The following PLCB3 variants were observed in gnomAD, a reference collection of about 807,000 sequenced individuals.
PLCB3 encodes the protein phospholipase C beta 3.
PLCB3 carries 54 observed loss-of-function variants against 152.1 expected under a neutral mutation model. The ratio of observed to expected loss-of-function variants is 0.36; its 90% CI spans 0.29 to 0.45. The LOEUF is 0.45. PLCB3 is among the 20% of genes least tolerant of loss of function. The pLI, the probability that PLCB3 is intolerant of heterozygous loss-of-function variation, is 1.00. For missense variants in PLCB3, 1,248 were observed against 1,687.5 expected (o/e 0.74, Z 4.56); for synonymous variants, 717 against 698.7 (o/e 1.03, Z -0.41).
chr11:64,260,197 A>T lies in PLCB3; in HGVS notation c.1694A>T (p.Glu565Val). The T allele has an allele frequency of 2.5e-6, 4 of 1,583,726 alleles. No individual in the cohort carries two copies. The highest frequency in any genetic ancestry group is 1.1e-5 in the South Asian group (1 of 87,362). Residue 565 changes from glutamate (E) to valine (V), a missense_variant, in exon 14 of 31, where the codon GAG (glutamate) becomes GTG (valine). Coordinates refer to ENST00000279230, the MANE Select transcript of PLCB3 (RefSeq NM_000932.5). ...REDEEEDEEE[E>V]EQTDPKKPTT... Reference sequence around the variant, plus strand: ...GATGAGGAGGAAGATGAGGAAGAGGAGGAACAGACAGACCCCAAAAAGCCA... The same window carrying T: ...GATGAGGAGGAAGATGAGGAAGAGGTGGAACAGACAGACCCCAAAAAGCCA...
chr11:64,266,681 G>T lies in PLCB3; in HGVS notation c.3414+129G>T. 1 of 855,512 alleles carries T rather than the reference G, an allele frequency of 1.2e-6. No homozygotes were observed. The allele number at this position is 855,512 out of a possible 1,614,324, so 53.0% of individuals were successfully genotyped here. On this transcript the variant is annotated intron_variant, in intron 29 of 30. Coordinates refer to ENST00000279230, the MANE Select transcript of PLCB3 (RefSeq NM_000932.5). The surrounding 1 kb of genome is among the most constrained non-coding windows in gnomAD (Gnocchi z 4.9). ...TAGGGCCTTTCTCAAGTGCCCAACA[G>T]CCCCAGGGTACCCACATCATACCCA... is the stretch of plus-strand genomic sequence containing the variant.
At chr11:64,254,571 C>A in intron 2 of PLCB3, 79 bp downstream of exon 2, 1 of 1,466,140 alleles carries the variant, frequency 6.8e-7, no homozygotes. Context: ...GGGGGTGGGG[C>A]CCGGCTGCAG....
rs891807111 is a variant in PLCB3 at position 64,256,611 on chromosome 11, A to T, written c.866-7A>T. 3.1e-6 allele frequency: 5 copies of T among 1,613,908 alleles called. No homozygotes were observed. The highest frequency in any genetic ancestry group is 4.2e-6 in the Non-Finnish European group (5 of 1,179,928). ...CAGCTGACCCTGCTGATCCTCTCCCACCCCAGACCAGATGTCCATGGAGGG... is the reference window on the plus strand; with the variant it reads ...CAGCTGACCCTGCTGATCCTCTCCCTCCCCAGACCAGATGTCCATGGAGGG... On this transcript the variant is annotated splice_polypyrimidine_tract_variant and splice_region_variant and intron_variant, in intron 9 of 30. Transcript: ENST00000279230.
chr11:64,257,166 G>A lies in PLCB3; in HGVS notation c.1012+402G>A, dbSNP rs180926378. Among the ~76,000 whole-genome samples, 23 of 152,140 alleles carry A rather than the reference G, an allele frequency of 1.5e-4. No homozygotes were observed. In the East Asian group the frequency reaches 2.3e-3, roughly 15 times the overall value. ...ATTACAGGCATTCGCCACCACGCCC[G>A]GCTAATTTTGTATTTTTAGTAGAGA... On this transcript the variant is annotated intron_variant, in intron 10 of 30. Coordinates refer to ENST00000279230, the MANE Select transcript of PLCB3 (RefSeq NM_000932.5).
intron 1 of PLCB3, among the ~76,000 whole-genome samples, chr11:64,253,652 C>T (rs2031354354): frequency 6.6e-6 from 1 of 152,190 alleles, no homozygotes; most frequent in Non-Finnish European, 1.5e-5. Context: ...GGCTGCTGGT[C>T]CTGAGTCACA....
Position 64,256,377 on chromosome 11 carries a change from G to A in PLCB3, c.700G>A (p.Gly234Ser), listed in dbSNP as rs1316539069. 6.2e-7 allele frequency: 1 copy of A among 1,612,964 alleles called. No homozygotes were observed. The highest frequency in any genetic ancestry group is 1.7e-5 in the Admixed American group (1 of 59,956). ...GACCCAGCTTCCTGTCCCCTCCAGA[G>A]GCGCCAAGGGCAAGCCATACCTGAC... ...PDIDKILLEI[G>S]AKGKPYLTLE... The change falls in exon 9 of 31, where the codon GGC becomes AGC. Residue 234 changes from glycine to serine, a missense_variant and splice_region_variant. Transcript: ENST00000279230.
intron 1 of PLCB3, among the ~76,000 whole-genome samples, chr11:64,252,632 TG>T (rs1190953325): frequency 6.6e-6 from 1 of 150,742 alleles, no homozygotes; most frequent in Non-Finnish European, 1.5e-5. Context: ...GCGTGGGAGC[TG>T]GGGGGAGGAG....
chr11:64,268,883 G>A (rs1024988943), downstream of PLCB3: 4 of 152,364 alleles, frequency 2.6e-5, no homozygotes, highest in South Asian at 4.1e-4. Flanking sequence ...GGGGTGGGGA[G>A]GCCAGGGAAA....
Position 64,266,989 on chromosome 11 carries a change from T to C in PLCB3, c.3415-196T>C, listed in dbSNP as rs2032156640. Reference sequence around the variant, plus strand: ...TTTTATTTTTAGTAGAGATGGGGTTTCACCATGTTGGCCAGGCTGTTCTCG... The same window carrying C: ...TTTTATTTTTAGTAGAGATGGGGTTCCACCATGTTGGCCAGGCTGTTCTCG... On this transcript the variant is annotated intron_variant, in intron 29 of 30. Transcript: ENST00000279230. The surrounding 1 kb of genome is among the most constrained non-coding windows in gnomAD (Gnocchi z 4.9). 6.6e-6 allele frequency among the ~76,000 whole-genome samples: 1 copy of C among 152,184 alleles called. No homozygotes were observed. The highest frequency in any genetic ancestry group is 6.5e-5 in the Admixed American group (1 of 15,278).
At chr11:64,256,900 G>A in intron 10 of PLCB3, 136 bp downstream of exon 10, 1 of 985,796 alleles carries the variant, frequency 1.0e-6, no homozygotes, top group East Asian at 2.6e-5. Flanking sequence ...CAGGGAACAG[G>A]CAGCCAGCCC....
rs777622766 is a variant in PLCB3 at position 64,265,049 on chromosome 11, C to G, written c.2751C>G (p.Pro917=). ...CCCCCAGCCCACTGGATGCCTCCCC[C>G]CGCCGGCCCCCTGGCCCCACCACCT... ...NPTPSPLDAS[P]RRPPGPTTSP... The change falls in exon 23 of 31, where the codon CCC becomes CCG. Residue 917 remains proline (P), a synonymous_variant. Transcript: ENST00000279230. 5 of 1,538,350 alleles carry G rather than the reference C, an allele frequency of 3.3e-6. No individual in the cohort carries two copies. In the Admixed American group the frequency reaches 5.7e-5, roughly 18 times the overall value.
rs750770829 is a variant in PLCB3 at position 64,255,059 on chromosome 11, C to A, written c.387+21C>A. The A allele has an allele frequency of 1.3e-6, 2 of 1,571,610 alleles. No homozygotes were observed. Among genetic ancestry groups the A allele is most frequent in the Admixed American group, 1.7e-5 (1 of 57,228 alleles). On this transcript the variant is annotated intron_variant, in intron 4 of 30. Transcript: ENST00000279230. This position sits in a 1 kb window ranked among gnomAD's most constrained non-coding sequence, Gnocchi z 6.8. ...CCAAGGTGGGCTGGCACCAAGGGGACGAAGGGGGAGTCACTGTCTTATTCT... is the reference window on the plus strand; with the variant it reads ...CCAAGGTGGGCTGGCACCAAGGGGAAGAAGGGGGAGTCACTGTCTTATTCT...
Position 64,266,310 on chromosome 11 carries a change from T to TC in PLCB3, c.3267-3dup, listed in dbSNP as rs765332460. On this transcript the variant is annotated splice_polypyrimidine_tract_variant and splice_region_variant and intron_variant, in intron 27 of 30. Coordinates refer to ENST00000279230, the MANE Select transcript of PLCB3 (RefSeq NM_000932.5). The surrounding 1 kb of genome is among the most constrained non-coding windows in gnomAD (Gnocchi z 4.9). Reference sequence around the variant, plus strand: ...CCCCTCCTCTTCCCCTGCCGGCTTCTCCAGGGAGAAGAAGGAGCTGCAGAA... The same window carrying TC: ...CCCCTCCTCTTCCCCTGCCGGCTTCTCCCAGGGAGAAGAAGGAGCTGCAGAA... 2.5e-6 allele frequency: 4 copies of TC among 1,612,108 alleles called. No individual in the cohort carries two copies. In the African/African-American group the frequency reaches 5.4e-5, roughly 22 times the overall value.
In PLCB3 at chr11:64,267,211, T is replaced by A. The variant is rs2032166866; in HGVS notation, c.3441T>A (p.His1147Gln). ...TGGAGGAGGCCCAGAAGCAGCGGCATGACCGTCTTGTGGCTGGGCAGCAGC... is the reference window on the plus strand; with the variant it reads ...TGGAGGAGGCCCAGAAGCAGCGGCAAGACCGTCTTGTGGCTGGGCAGCAGC... ...RRLEEAQKQRHDRLVAGQQQV... is the reference protein window; with the variant it reads ...RRLEEAQKQRQDRLVAGQQQV... The change falls in exon 30 of 31, where the codon CAT becomes CAA. Residue 1147 changes from histidine to glutamine, a missense_variant. By Grantham distance (24) the His-to-Gln change is conservative. Coordinates refer to ENST00000279230, the MANE Select transcript of PLCB3 (RefSeq NM_000932.5). The surrounding 1 kb of genome is among the most constrained non-coding windows in gnomAD (Gnocchi z 5.2). The A allele has an allele frequency of 1.9e-6, 3 of 1,550,404 alleles. No homozygotes were observed. The highest frequency in any genetic ancestry group is 1.2e-5 in the South Asian group (1 of 84,028).
intron 22 of PLCB3, 65 bp from the exon 23 acceptor site, chr11:64,264,886 T>G: frequency 6.5e-7 from 1 of 1,527,020 alleles, no homozygotes; most frequent in Admixed American, 1.7e-5. Flanking sequence ...CAGGAGGTGG[T>G]AGAGGACAGA....
At chr11:64,265,531 G>A in intron 25 of PLCB3, 29 bp downstream of exon 25, 1 of 1,565,450 alleles carries the variant, frequency 6.4e-7, no homozygotes, top group Non-Finnish European at 8.6e-7. Flanking sequence ...TGTGTGCTAT[G>A]TGTGCTGGGT....
rs2031667860 is a variant in PLCB3 at position 64,258,641 on chromosome 11, A to C, written c.1181A>C (p.Glu394Ala). The change falls in exon 11 of 31, where the codon GAG (glutamate) becomes GCG (alanine). Residue 394 changes from glutamate (E) to alanine (A), a missense_variant. This residue lies in a region of PLCB3 where 122 missense variants were observed against 221.8 expected (regional missense o/e 0.55). Transcript: ENST00000279230. This position sits in a 1 kb window ranked among gnomAD's most constrained non-coding sequence, Gnocchi z 7.2. ...TTEVPLRDVLEAIAETAFKTS... is the reference protein window; with the variant it reads ...TTEVPLRDVLAAIAETAFKTS... ...GAGGTGCCTCTGCGCGACGTGCTGG[A>C]GGCCATTGCCGAGACTGCCTTCAAG... 1 of 1,613,976 alleles carries C rather than the reference A, an allele frequency of 6.2e-7. No homozygotes were observed.
In PLCB3 at chr11:64,267,370, C is replaced by T; in HGVS notation, c.3519C>T (p.Ala1173=). The T allele has an allele frequency of 1.9e-6, 3 of 1,546,180 alleles. No individual in the cohort carries two copies. Among genetic ancestry groups the T allele is most frequent in the Non-Finnish European group, 2.6e-6 (3 of 1,143,880 alleles). ...EEEPKLLAQL[A]QECQEQRARL... is the part of the protein sequence containing the mutation. ...TCCCACAGCTGCTGGCCCAGCTGGCCCAGGAGTGTCAGGAGCAGCGGGCGA... is the reference window on the plus strand; with the variant it reads ...TCCCACAGCTGCTGGCCCAGCTGGCTCAGGAGTGTCAGGAGCAGCGGGCGA... The change falls in exon 31 of 31, where the codon GCC becomes GCT. Residue 1173 remains alanine (A), a synonymous_variant. Transcript: ENST00000279230. The surrounding 1 kb of genome is among the most constrained non-coding windows in gnomAD (Gnocchi z 5.2).
chr11:64,265,317 C>A lies in PLCB3; in HGVS notation c.2850C>A (p.Ala950=). 1 of 1,589,132 alleles carries A rather than the reference C, an allele frequency of 6.3e-7. No homozygotes were observed. The highest frequency in any genetic ancestry group is 8.6e-7 in the Non-Finnish European group (1 of 1,165,606). The change falls in exon 25 of 31, where the codon GCC becomes GCA. Residue 950 remains alanine (A), a synonymous_variant. Transcript: ENST00000279230. Reference sequence around the variant, plus strand: ...TTGCTCTGCCGCTCCCAGAGGTGGCCCCCACCCCGCTGGATGAGCTCCGAG... The same window carrying A: ...TTGCTCTGCCGCTCCCAGAGGTGGCACCCACCCCGCTGGATGAGCTCCGAG... ...DLIASILSEV[A]PTPLDELRGH...
Sources: allele counts gnomAD v4.1 joint callset (sites outside exome capture counted in the v4.1 genomes callset), GRCh38; gene constraint gnomAD v4.1.1; regional missense constraint gnomAD v4.1.1; non-coding constraint Gnocchi (gnomAD v3.1); transcripts MANE v1.5; gene names NCBI Gene and HGNC (gene_info 2026-07-23, HGNC 2026-07-21).